AKAP9: variants seen among roughly 807,000 people sequenced by gnomAD.
AKAP9 encodes the protein A-kinase anchoring protein 9.
In AKAP9, 311 loss-of-function variants were observed where a neutral mutation model predicts 488.5. The observed-to-expected ratio is 0.64, with a 90% CI of 0.58 to 0.70. The LOEUF (loss-of-function observed/expected upper bound fraction) is 0.70. Ranked by LOEUF, AKAP9 falls within the 30% of genes least tolerant of loss-of-function variation. The pLI, the probability that AKAP9 is intolerant of heterozygous loss-of-function variation, is 0.00. For missense variants in AKAP9, 4,215 were observed against 4,374.5 expected (o/e 0.96, Z 1.03); for synonymous variants, 1,462 against 1,483.5 (o/e 0.99, Z 0.33).
At chr7:92,005,082 G>T (rs1456624649) in intron 8 of AKAP9, among the ~76,000 whole-genome samples, 1 of 152,106 alleles carries the variant, frequency 6.6e-6, no homozygotes. Flanking sequence ...TAATCATGTG[G>T]TTTTTGTCTT....
At chr7:92,054,145 C>G (rs1808398465) in intron 22 of AKAP9, among the ~76,000 whole-genome samples, 1 of 152,002 alleles carries the variant, frequency 6.6e-6, no homozygotes, top group African/African-American at 2.4e-5. Context: ...TTTAATCTTC[C>G]ATGGATAGAT....
chr7:92,082,200 G>A (rs1266233357), intron 31 of AKAP9, among the ~76,000 whole-genome samples: 1 of 152,174 alleles, frequency 6.6e-6, no homozygotes, highest in African/African-American at 2.4e-5. Context: ...CTCTCAAAGT[G>A]CTGGGATTAC....
chr7:92,008,515 A>C (rs1211717378), intron 8 of AKAP9, among the ~76,000 whole-genome samples: 1 of 147,048 alleles, frequency 6.8e-6, no homozygotes, highest in Non-Finnish European at 1.5e-5. Flanking sequence ...GTGAAACCCC[A>C]TCTCTACTAA....
At chr7:92,076,102 T>C (rs1812545304) in intron 28 of AKAP9, among the ~76,000 whole-genome samples, 1 of 152,210 alleles carries the variant, frequency 6.6e-6, no homozygotes, top group Non-Finnish European at 1.5e-5. Flanking sequence ...ACCAGTGAGC[T>C]AAATGAATGT....
chr7:91,996,622 G>A (rs1465002114), intron 7 of AKAP9, among the ~76,000 whole-genome samples: 1 of 152,136 alleles, frequency 6.6e-6, no homozygotes, highest in Non-Finnish European at 1.5e-5. Context: ...TTGTCGCTCT[G>A]TGCACACCTA....
intron 1 of AKAP9, among the ~76,000 whole-genome samples, chr7:91,947,020 A>G (rs1422384071): frequency 6.6e-6 from 1 of 152,210 alleles, no homozygotes; most frequent in Non-Finnish European, 1.5e-5. Context: ...CATTATTTAT[A>G]TTCATTTCTT....
intron 1 of AKAP9, among the ~76,000 whole-genome samples, chr7:91,963,760 C>T (rs1228778730): frequency 3.3e-5 from 5 of 152,122 alleles, no homozygotes; most frequent in East Asian, 1.9e-4. Context: ...CCTTGTGATC[C>T]GCCCGCCTCA....
intron 39 of AKAP9, among the ~76,000 whole-genome samples, 176 bp downstream of exon 39, chr7:92,093,492 T>A (rs1816005676): frequency 1.3e-5 from 2 of 152,240 alleles, no homozygotes; most frequent in Admixed American, 6.5e-5. Context: ...GATGAACTTA[T>A]GATCGTGATT....
At chr7:92,092,778 A>T in intron 38 of AKAP9, 1 of 275,028 alleles carries the variant, frequency 3.6e-6, no homozygotes, top group South Asian at 4.2e-5. Flanking sequence ...TCCTGAGTCG[A>T]TGGGACTACA....
In AKAP9 at chr7:92,042,683, C is replaced by T. The variant is rs1487564795; in HGVS notation, c.5074C>T (p.Gln1692Ter). The change falls in exon 20 of 50, where the codon CAA becomes TAA. Residue 1692 changes from glutamine to a stop codon, truncating the protein, a stop_gained. Coordinates refer to ENST00000356239, the MANE Select transcript of AKAP9 (RefSeq NM_005751.5). LOFTEE classifies it high-confidence loss of function. ...ACTTAAACAGAATGGAAATGAAAAC[C>T]AAGGAGAAGTTGAAGAACAAACATT... ...STQTQNGNEN[Q>*]GEVEEQTFKE... 1 of 1,609,782 alleles carries T rather than the reference C, an allele frequency of 6.2e-7. No homozygotes were observed. Among genetic ancestry groups the T allele is most frequent in the Non-Finnish European group, 8.5e-7 (1 of 1,177,136 alleles).
Position 92,000,982 on chromosome 7 carries a change from T to C in AKAP9, c.1065T>C (p.Ala355=), listed in dbSNP as rs1799086881. The C allele has an allele frequency of 1.3e-6, 2 of 1,539,392 alleles. No homozygotes were observed. The highest frequency in any genetic ancestry group is 1.4e-5 in the African/African-American group (1 of 72,120). Residue 355 remains alanine, a synonymous_variant, in exon 8 of 50, where the codon GCT becomes GCC. Transcript: ENST00000356239. ...TLELKDKLTT[A]DKLLGELQEQ... ...AGCTAAAGGATAAATTAACAACTGCTGATAAATTACTAGGAGAATTACAAG... is the reference window on the plus strand; with the variant it reads ...AGCTAAAGGATAAATTAACAACTGCCGATAAATTACTAGGAGAATTACAAG...
chr7:91,961,754 G>A (rs1793760709), intron 1 of AKAP9, among the ~76,000 whole-genome samples: 1 of 151,824 alleles, frequency 6.6e-6, no homozygotes, highest in Non-Finnish European at 1.5e-5. Flanking sequence ...TGAGTCAGGA[G>A]AATGGCGTGA....
chr7:92,033,902 A>G (rs1049521773), intron 16 of AKAP9, among the ~76,000 whole-genome samples: 2 of 152,264 alleles, frequency 1.3e-5, no homozygotes, highest in Admixed American at 6.5e-5. Flanking sequence ...GCTGAAGTAT[A>G]ACAGAGAATA....
intron 14 of AKAP9, among the ~76,000 whole-genome samples, chr7:92,024,121 A>G (rs1194524582): frequency 6.6e-6 from 1 of 151,632 alleles, no homozygotes; most frequent in Non-Finnish European, 1.5e-5. Flanking sequence ...TATATCATAT[A>G]TATAACTAGG....
At chr7:91,986,713 A>G (rs1301362201) in intron 3 of AKAP9, among the ~76,000 whole-genome samples, 2 of 152,142 alleles carry the variant, frequency 1.3e-5, no homozygotes, top group South Asian at 4.1e-4. Flanking sequence ...TCAGGTTCCA[A>G]AAAATGTATT....
chr7:91,952,757 A>G (rs1425398258), intron 1 of AKAP9, among the ~76,000 whole-genome samples: 1 of 152,184 alleles, frequency 6.6e-6, no homozygotes, highest in African/African-American at 2.4e-5. Flanking sequence ...CCTTGAATCT[A>G]TGTTAAGGAG....
intron 2 of AKAP9, among the ~76,000 whole-genome samples, chr7:91,977,294 T>C (rs541697901): frequency 1.1e-4 from 16 of 151,982 alleles, no homozygotes; most frequent in South Asian, 4.2e-4. Context: ...CGGTGGCTCA[T>C]GCCTGTAATC....
chr7:92,042,302 G>T, intron 19 of AKAP9, 116 bp downstream of exon 19: 7 of 1,336,354 alleles, frequency 5.2e-6, no homozygotes, highest in Non-Finnish European at 7.4e-6. Context: ...TAACATATTT[G>T]TGACTGCATG....
chr7:92,105,795 T>G, intron 47 of AKAP9, 32 bp downstream of exon 47: 8 of 1,568,958 alleles, frequency 5.1e-6, no homozygotes, highest in Non-Finnish European at 7.0e-6. Context: ...TTCTTATGTT[T>G]ATGACTCTCT....
Sources: gnomAD v4.1 joint callset for allele counts (sites outside exome capture counted in the v4.1 genomes callset) on GRCh38, gnomAD v4.1.1 for gene constraint, MANE v1.5 for transcripts, NCBI Gene and HGNC (gene_info 2026-07-23, HGNC 2026-07-21) for gene names.